MECOM: variants seen among roughly 807,000 people sequenced by gnomAD.
The protein encoded by MECOM is histone-lysine N-methyltransferase MECOM.
Under a neutral mutation model 116.3 loss-of-function variants are expected in MECOM, and 13 were observed. The ratio of observed to expected loss-of-function variants is 0.11; its 90% CI spans 0.07 to 0.18. MECOM has a LOEUF of 0.18. Among genes scored for constraint, MECOM ranks in the 10% least tolerant of loss-of-function variants. MECOM has a pLI of 1.00. For missense variants in MECOM, 1,299 were observed against 1,509.0 expected, an observed-to-expected ratio of 0.86 and a Z score of 2.31; for synonymous variants, 528 against 535.2, an observed-to-expected ratio of 0.99 and a Z score of 0.19.
At chr3:169,443,415 T>C (rs1169667517) in intron 1 of MECOM, among the ~76,000 whole-genome samples, 16 of 152,200 alleles carry the variant, frequency 1.1e-4, no homozygotes, top group Admixed American at 1.0e-3. Flanking sequence ...CCCAGACCTA[T>C]TGTGACCTAT....
At chr3:169,607,984 C>T (rs563253459) in intron 1 of MECOM, among the ~76,000 whole-genome samples, 1 of 152,276 alleles carries the variant, frequency 6.6e-6, no homozygotes, top group African/African-American at 2.4e-5. Context: ...GTTAAACTCC[C>T]CTTGTCATGT....
intron 2 of MECOM, among the ~76,000 whole-genome samples, chr3:169,262,819 T>G (rs1218157788): frequency 1.3e-5 from 2 of 151,530 alleles, no homozygotes; most frequent in Non-Finnish European, 2.9e-5. Flanking sequence ...CAGGAAAAAA[T>G]GAATTTATTT....
rs746522939 is a variant in MECOM at position 169,121,227 on chromosome 3, C to A, written c.979-18G>T. 1 of 1,578,704 alleles carries A rather than the reference C, an allele frequency of 6.3e-7. No homozygotes were observed. ...GTGAAAACCTGCTAGGAAATGAGTACTGATTAATCAAGAAACTTAACTCAA... is the reference window on the plus strand; with the variant it reads ...GTGAAAACCTGCTAGGAAATGAGTAATGATTAATCAAGAAACTTAACTCAA... On this transcript the variant is annotated intron_variant, in intron 6 of 16. Transcript: ENST00000651503.
intron 2 of MECOM, among the ~76,000 whole-genome samples, chr3:169,302,519 G>A (rs1242115640): frequency 6.6e-6 from 1 of 152,052 alleles, no homozygotes; most frequent in Non-Finnish European, 1.5e-5. Context: ...AGAATGAATA[G>A]AATGAATATT....
At chr3:169,631,668 G>T (rs866421454) in intron 1 of MECOM, among the ~76,000 whole-genome samples, 3 of 136,360 alleles carry the variant, frequency 2.2e-5, no homozygotes, top group Middle Eastern at 4.4e-3. Flanking sequence ...GTGTCCGTGT[G>T]TTCTCATTGT....
At chr3:169,521,861 T>G (rs1036493499) in intron 1 of MECOM, among the ~76,000 whole-genome samples, 1 of 152,212 alleles carries the variant, frequency 6.6e-6, no homozygotes, top group Non-Finnish European at 1.5e-5. Flanking sequence ...AAAATGTGTC[T>G]GCCTTGAATA....
At chr3:169,271,027 C>T (rs1435947661) in intron 2 of MECOM, among the ~76,000 whole-genome samples, 1 of 152,218 alleles carries the variant, frequency 6.6e-6, no homozygotes, top group East Asian at 1.9e-4. Context: ...TTTCCCTGGC[C>T]TGAGCACTTC....
chr3:169,222,821 G>C (rs1422311739), intron 2 of MECOM, among the ~76,000 whole-genome samples: 2 of 152,130 alleles, frequency 1.3e-5, no homozygotes, highest in African/African-American at 4.8e-5. Flanking sequence ...TGCTGAAGCT[G>C]GAAAGACTTC....
intron 2 of MECOM, among the ~76,000 whole-genome samples, chr3:169,374,659 C>T (rs1730712125): frequency 1.3e-5 from 2 of 151,958 alleles, no homozygotes; most frequent in African/African-American, 2.4e-5. Context: ...TAGAAGAAAA[C>T]ATAAGATAAC....
At chr3:169,266,946 T>C (rs1204909039) in intron 2 of MECOM, among the ~76,000 whole-genome samples, 1 of 152,184 alleles carries the variant, frequency 6.6e-6, no homozygotes, top group Admixed American at 6.5e-5. Flanking sequence ...ATGGACTACA[T>C]TTCCCAGATT....
chr3:169,603,734 C>T (rs1417478836), intron 1 of MECOM, among the ~76,000 whole-genome samples: 5 of 152,170 alleles, frequency 3.3e-5, no homozygotes, highest in African/African-American at 9.7e-5. Context: ...GTACACCATA[C>T]GGCTTCAATG....
At chr3:169,312,647 G>C (rs904256465) in intron 2 of MECOM, among the ~76,000 whole-genome samples, 2 of 152,140 alleles carry the variant, frequency 1.3e-5, no homozygotes, top group African/African-American at 4.8e-5. Context: ...CAAAGTGCCG[G>C]GATTACAGGC....
intron 1 of MECOM, among the ~76,000 whole-genome samples, chr3:169,475,134 T>C (rs1468274231): frequency 5.9e-5 from 9 of 152,170 alleles, no homozygotes; most frequent in Admixed American, 5.9e-4. Flanking sequence ...CAAATGCACA[T>C]ACAAATCACT....
intron 1 of MECOM, among the ~76,000 whole-genome samples, chr3:169,437,689 T>C (rs2108592953): frequency 6.6e-6 from 1 of 152,304 alleles, no homozygotes; most frequent in South Asian, 2.1e-4. Flanking sequence ...ATGAAAAGCG[T>C]AGATTTATAG....
chr3:169,106,075 C>A (rs1725309278), intron 10 of MECOM, among the ~76,000 whole-genome samples: 1 of 152,114 alleles, frequency 6.6e-6, no homozygotes, highest in Admixed American at 6.6e-5. Flanking sequence ...TAATGTTTTA[C>A]AAATTCGATT....
intron 1 of MECOM, among the ~76,000 whole-genome samples, chr3:169,429,596 T>A (rs1370314968): frequency 6.6e-6 from 1 of 152,204 alleles, no homozygotes; most frequent in Non-Finnish European, 1.5e-5. Flanking sequence ...GGAGAAAACA[T>A]CTTGAAAATT....
rs1203133411 is a variant in MECOM, at chr3:169,483,612, C to G, written c.38-102088G>C. The stretch of plus-strand genomic sequence containing the variant: ...CTGCAGAGATACAAGGATAAACCAC[C>G]ATTTTGGTTCCCAAGTTTTATTCAA... On this transcript the variant is annotated intron_variant, in intron 1 of 16. Transcript: ENST00000651503. The G allele has an allele frequency of 5.9e-6, 7 of 1,183,998 alleles. No individual in the cohort carries two copies. In the African/African-American group the frequency reaches 8.1e-5, roughly 14 times the overall value. 73.3% of individuals were successfully genotyped at this position (1,183,998 alleles called of 1,614,324 possible). A position where few individuals can be genotyped will look rare whatever the true frequency, so the allele number is the denominator to read the frequency against.
intron 9 of MECOM, among the ~76,000 whole-genome samples, chr3:169,110,325 A>G (rs1726926523): frequency 6.6e-6 from 1 of 152,100 alleles, no homozygotes; most frequent in African/African-American, 2.4e-5. Context: ...ATGCTTTTGC[A>G]CCCACTAATA....
rs34224062 is a variant in MECOM, at chr3:169,095,154, G to A, written c.2941C>T (p.His981Tyr). The A allele has an allele frequency of 1.9e-4, 299 of 1,613,614 alleles. 1 individual carries two copies. In the African/African-American group the frequency reaches 3.7e-3, roughly 20 times the overall value. ...TGACCAAAACACCTATCACATAAGT[G>A]ACACTTAAATGGCTTCTCTTTATTG... ...IHNKEKPFKC[H>Y]LCDRCFGQQT... Residue 981 changes from histidine to tyrosine, a missense_variant, in exon 13 of 17, where the codon CAC becomes TAC. Physicochemically the swap from His to Tyr is moderately conservative, Grantham distance 83. This residue lies in a region of MECOM where 32 missense variants were observed against 96.7 expected (regional missense o/e 0.33). Coordinates refer to ENST00000651503, the MANE Select transcript of MECOM (RefSeq NM_004991.4).
Sources: allele counts gnomAD v4.1 joint callset (sites outside exome capture counted in the v4.1 genomes callset), GRCh38; gene constraint gnomAD v4.1.1; regional missense constraint gnomAD v4.1.1; transcripts MANE v1.5; gene names NCBI Gene and HGNC (gene_info 2026-07-23, HGNC 2026-07-21).